Variants in CCDC144A observed in about 807,000 individuals in gnomAD.
CCDC144A encodes the protein coiled-coil domain-containing protein 144A.
In CCDC144A, 41 loss-of-function variants were observed where a neutral mutation model predicts 143.8. The ratio of observed to expected loss-of-function variants is 0.29; its 90% confidence interval spans 0.22 to 0.37. The LOEUF is 0.37. CCDC144A is among the 10% of genes least tolerant of loss of function. The pLI is 1.00. For missense variants in CCDC144A, 637 were observed against 1,488.8 expected (o/e 0.43, Z 9.41); for synonymous variants, 242 against 517.9 (o/e 0.47, Z 7.23).
At chr17:16,728,626 T>G (rs1567596942) in intron 9 of CCDC144A, among the ~76,000 whole-genome samples, 1 of 152,192 alleles carries the variant, frequency 6.6e-6, no homozygotes, top group African/African-American at 2.4e-5. Context: ...CAAGTGGTTT[T>G]CGGTTAAATG....
At chr17:16,770,311 G>A (rs1231514793) in intron 15 of CCDC144A, among the ~76,000 whole-genome samples, 42 of 151,738 alleles carry the variant, frequency 2.8e-4, no homozygotes, top group African/African-American at 9.2e-4. Context: ...CACCATGCCC[G>A]GCTAATTTTG....
intron 12 of CCDC144A, among the ~76,000 whole-genome samples, chr17:16,751,258 T>C (rs919795175): frequency 6.6e-6 from 1 of 152,184 alleles, no homozygotes; most frequent in Non-Finnish European, 1.5e-5. Flanking sequence ...TGTGTATAGT[T>C]GATTGGCCTT....
chr17:16,700,641 C>G (rs1178213729), intron 2 of CCDC144A, among the ~76,000 whole-genome samples: 4 of 152,144 alleles, frequency 2.6e-5, no homozygotes, highest in Non-Finnish European at 5.9e-5. Flanking sequence ...TTGGTGTTAT[C>G]TTAAAATTTT....
chr17:16,706,936 G>T (rs1912098492), intron 3 of CCDC144A: 1 of 152,020 alleles, frequency 6.6e-6, no homozygotes, highest in African/African-American at 2.4e-5. Flanking sequence ...CTAGCAGTCT[G>T]TTTTTTATTT....
At chr17:16,680,720 A>C in the CCDC144A span, among the ~76,000 whole-genome samples, 2 of 151,996 alleles carry the variant, frequency 1.3e-5, no homozygotes, top group Non-Finnish European at 2.9e-5. Flanking sequence ...ACAAAAAAAA[A>C]ATGTTTCAAG....
At chr17:16,695,386 G>A (rs919299960) in intron 2 of CCDC144A, 73 of 152,022 alleles carry the variant, frequency 4.8e-4, no homozygotes, top group Admixed American at 1.8e-3. Flanking sequence ...CCAGAAGTTC[G>A]AGACCAGCCC....
At position 16,690,415 on chromosome 17, in the gene CCDC144A, T is replaced by A; in HGVS notation, c.15T>A (p.Gly5=). Residue 5 remains glycine, a synonymous_variant, in exon 1 of 17, where the codon GGT becomes GGA. Coordinates refer to ENST00000399273, the MANE Select transcript of CCDC144A (RefSeq NM_001382000.1). MASW[G]GEKRGGAEGS... ...GCTCGCTACTGATGGCCTCCTGGGGTGGAGAAAAGCGGGGAGGGGCTGAGG... is the reference window on the plus strand; with the variant it reads ...GCTCGCTACTGATGGCCTCCTGGGGAGGAGAAAAGCGGGGAGGGGCTGAGG... The A allele has an allele frequency of 1.3e-6, 2 of 1,573,120 alleles. No homozygotes were observed. The highest frequency in any genetic ancestry group is 1.7e-6 in the Non-Finnish European group (2 of 1,158,402).
rs745605257 is a variant in CCDC144A, at chr17:16,690,700, A to G, written c.300A>G (p.Leu100=). ...ACGTCCCTGGGGTGGAGCACATCTTAGCTCCTGGAGACACTGGCGTGGACA... is the reference window on the plus strand; with the variant it reads ...ACGTCCCTGGGGTGGAGCACATCTTGGCTCCTGGAGACACTGGCGTGGACA... ...SGDVPGVEHI[L]APGDTGVDKR... The change falls in exon 1 of 17, where the codon TTA becomes TTG. Residue 100 remains leucine (L), a synonymous_variant. Transcript: ENST00000399273. 37 of 1,613,028 alleles carry G rather than the reference A, an allele frequency of 2.3e-5. No individual in the cohort carries two copies. Among genetic ancestry groups the G allele is most frequent in the Middle Eastern group, 1.6e-4 (1 of 6,064 alleles).
the CCDC144A span, among the ~76,000 whole-genome samples, chr17:16,682,772 A>G: frequency 1.3e-5 from 2 of 151,944 alleles, no homozygotes; most frequent in African/African-American, 4.8e-5. Context: ...TTCATAATTT[A>G]ACAATATGAC....
intron 9 of CCDC144A, among the ~76,000 whole-genome samples, chr17:16,730,436 G>A (rs897991698): frequency 2.5e-5 from 3 of 122,110 alleles, no homozygotes; most frequent in Admixed American, 8.3e-5. Flanking sequence ...CTCTGGCTTC[G>A]TTCTTTTTGC....
At chr17:16,691,437 T>C (rs558931048) in intron 1 of CCDC144A, among the ~76,000 whole-genome samples, 1 of 152,010 alleles carries the variant, frequency 6.6e-6, no homozygotes, top group Non-Finnish European at 1.5e-5. Flanking sequence ...GAGCTAAGTC[T>C]CATCCATGAC....
chr17:16,703,866 G>C (rs1210371401), intron 2 of CCDC144A, among the ~76,000 whole-genome samples: 1 of 152,116 alleles, frequency 6.6e-6, no homozygotes, highest in African/African-American at 2.4e-5. Context: ...ATAGCCTTTA[G>C]AACTATGACC....
At chr17:16,679,781 C>T in the CCDC144A span, among the ~76,000 whole-genome samples, 1 of 151,992 alleles carries the variant, frequency 6.6e-6, no homozygotes, top group Non-Finnish European at 1.5e-5. Flanking sequence ...TTTGTTGTTA[C>T]AGGCAGATCA....
intron 12 of CCDC144A, among the ~76,000 whole-genome samples, chr17:16,760,087 C>T (rs1221453531): frequency 2.0e-5 from 3 of 152,218 alleles, no homozygotes; most frequent in Admixed American, 1.3e-4. Flanking sequence ...GGCTTTCTCA[C>T]GGCATGTTGG....
At chr17:16,729,921 C>G (rs1597565673) in intron 9 of CCDC144A, among the ~76,000 whole-genome samples, 1 of 138,780 alleles carries the variant, frequency 7.2e-6, no homozygotes, top group East Asian at 2.1e-4. Context: ...TTTAGTGCGC[C>G]CATCACCTGA....
chr17:16,688,482 C>CTTTTTTTT (rs1567579106), upstream of CCDC144A, among the ~76,000 whole-genome samples: 1 of 108,592 alleles, frequency 9.2e-6, no homozygotes, highest in African/African-American at 3.6e-5. Flanking sequence ...TTTTCTTTTT[C>CTTTTTTTT]TGTTTTTTTT....
Position 16,708,640 on chromosome 17 carries a change from G to A in CCDC144A, c.739-156G>A. 2 of 770,156 alleles carry A rather than the reference G, an allele frequency of 2.6e-6. 1 individual carries two copies. The highest frequency in any genetic ancestry group is 3.3e-5 in the South Asian group (2 of 60,410). The allele number at this position is 770,156 out of a possible 1,614,324, so 47.7% of individuals were successfully genotyped here. A position where few individuals can be genotyped will look rare whatever the true frequency, so the allele number is the denominator to read the frequency against. ...GGAGTAGCTAAACCTAGATGAAGAA[G>A]TTTAACAGTTAAATTTTCATTTTAA... On this transcript the variant is annotated intron_variant, in intron 4 of 16. Transcript: ENST00000399273.
rs1300880578 is a variant in CCDC144A at position 16,771,936 on chromosome 17, T to C, written c.4099-41T>C. The C allele has an allele frequency of 6.1e-6, 9 of 1,471,080 alleles. No individual in the cohort carries two copies. The Admixed American group carries it at 1.8e-4, about 30-fold the overall frequency. The allele number at this position is 1,471,080 out of a possible 1,614,324, so 91.1% of individuals were successfully genotyped here. On this transcript the variant is annotated intron_variant, in intron 15 of 16. Coordinates refer to ENST00000399273, the MANE Select transcript of CCDC144A (RefSeq NM_001382000.1). ...ATTAATGCTCCTTACCATGATAATG[T>C]ATCTTCTTAAACGTTATAAATAATA...
intron 8 of CCDC144A, among the ~76,000 whole-genome samples, chr17:16,722,107 C>T (rs1290608052): frequency 6.6e-6 from 1 of 151,840 alleles, no homozygotes; most frequent in Non-Finnish European, 1.5e-5. Flanking sequence ...TGATGGTGTT[C>T]CCTTGTATTC....
Sources: allele counts gnomAD v4.1 joint callset (sites outside exome capture counted in the v4.1 genomes callset), GRCh38; gene constraint gnomAD v4.1.1; transcripts MANE v1.5; gene names NCBI Gene and HGNC (gene_info 2026-07-23, HGNC 2026-07-21).